The following TGFB2 variants were observed in gnomAD, a reference collection of about 807,000 sequenced individuals.
TGFB2 encodes the protein transforming growth factor beta-2 proprotein.
Under a neutral mutation model 42.7 loss-of-function variants are expected in TGFB2, and 13 were observed. The observed-to-expected ratio is 0.30, with a 90% CI of 0.20 to 0.48. The LOEUF (loss-of-function observed/expected upper bound fraction) is 0.48, where lower values mean the gene tolerates loss of function less well. TGFB2 is among the 20% of genes least tolerant of loss of function. The probability of loss-of-function intolerance (pLI) is 0.99; values close to 1 mark genes in which losing one functional copy is unlikely to be tolerated. For missense variants in TGFB2, 390 were observed against 517.5 expected (o/e 0.75, Z 2.39); for synonymous variants, 193 against 193.6 (o/e 1.00, Z 0.03).
chr1:218,347,933 ATTTT>A (rs11406779), intron 1 of TGFB2, among the ~76,000 whole-genome samples: 1 of 129,898 alleles, frequency 7.7e-6, no homozygotes. Context: ...CGACAGCCGT[ATTTT>A]TTTTTTTTTT....
At chr1:218,395,553 G>A (rs889037180) in intron 1 of TGFB2, among the ~76,000 whole-genome samples, 7 of 151,816 alleles carry the variant, frequency 4.6e-5, no homozygotes, top group East Asian at 1.9e-4. Flanking sequence ...GCCTCACTTC[G>A]ACTTTAGCCC....
At chr1:218,396,125 G>A (rs1287728889) in intron 1 of TGFB2, among the ~76,000 whole-genome samples, 1 of 152,130 alleles carries the variant, frequency 6.6e-6, no homozygotes, top group Non-Finnish European at 1.5e-5. Flanking sequence ...AGGGAAGCCT[G>A]GTCAAGTGCA....
At chr1:218,439,517 A>G (rs912024555) in intron 6 of TGFB2, among the ~76,000 whole-genome samples, 1 of 152,214 alleles carries the variant, frequency 6.6e-6, no homozygotes, top group Admixed American at 6.5e-5. Context: ...CATAAAGTAT[A>G]TTTATTTATA....
intron 1 of TGFB2, among the ~76,000 whole-genome samples, chr1:218,379,427 C>A (rs531567772): frequency 6.6e-6 from 1 of 151,726 alleles, no homozygotes; most frequent in East Asian, 1.9e-4. Context: ...AGCCACCGTG[C>A]CCGGCCAGTA....
At chr1:218,348,374 T>C (rs548120656) in intron 1 of TGFB2, among the ~76,000 whole-genome samples, 53 of 152,366 alleles carry the variant, frequency 3.5e-4, no homozygotes, top group Middle Eastern at 3.4e-3. Flanking sequence ...GTGGTGCTTT[T>C]CTTTTTTAAT....
chr1:218,364,111 C>T (rs1657307732), intron 1 of TGFB2, among the ~76,000 whole-genome samples: 2 of 152,180 alleles, frequency 1.3e-5, no homozygotes, highest in African/African-American at 4.8e-5. Flanking sequence ...TTGGACGCCC[C>T]TGCTCTAGAG....
rs1571907962 is a variant in TGFB2 at position 218,441,498 on chromosome 1, G to A, written c.*136G>A. ...GTGTTAAAAAATTTTTGAAAAGGCG[G>A]TACTAGTTCAGACACTTTGGAAGTT... On this transcript the variant is annotated 3_prime_UTR_variant, in exon 7 of 7. Coordinates refer to ENST00000366930, the MANE Select transcript of TGFB2 (RefSeq NM_003238.6). The A allele has an allele frequency of 4.6e-6, 4 of 868,760 alleles. No homozygotes were observed. The highest frequency in any genetic ancestry group is 6.6e-6 in the Non-Finnish European group (4 of 601,774). The allele number at this position is 868,760 out of a possible 1,614,324, so 53.8% of individuals were successfully genotyped here. A position where few individuals can be genotyped will look rare whatever the true frequency, so the allele number is the denominator to read the frequency against.
At chr1:218,364,630 C>T (rs972773919) in intron 1 of TGFB2, among the ~76,000 whole-genome samples, 4 of 152,142 alleles carry the variant, frequency 2.6e-5, no homozygotes, top group African/African-American at 4.8e-5. Flanking sequence ...TTTTTATTAT[C>T]CTAGGAAAAG....
intron 1 of TGFB2, among the ~76,000 whole-genome samples, chr1:218,368,734 G>C (rs1031485719): frequency 6.6e-6 from 1 of 152,104 alleles, no homozygotes; most frequent in Admixed American, 6.5e-5. Context: ...GAGTAATCTG[G>C]GACTACCTGG....
chr1:218,387,482 G>A (rs548231534), intron 1 of TGFB2, among the ~76,000 whole-genome samples: 2 of 152,248 alleles, frequency 1.3e-5, no homozygotes, highest in East Asian at 1.9e-4. Flanking sequence ...AGAGGGTAGT[G>A]CTTTCTCACC....
chr1:218,349,843 G>T (rs1164203592), intron 1 of TGFB2, among the ~76,000 whole-genome samples: 1 of 152,206 alleles, frequency 6.6e-6, no homozygotes, highest in African/African-American at 2.4e-5. Flanking sequence ...AACTGGCCAG[G>T]TGCCAATCTC....
In TGFB2 at chr1:218,346,019, C is replaced by A. The variant is rs886045962; in HGVS notation, c.-683C>A. ...CGCCCTGCGAAGCGCACCCTCCTCC[C>A]CGCGGTGCGCTGGGCTCGCCCCCAG... On this transcript the variant is annotated 5_prime_UTR_variant, in exon 1 of 7. Coordinates refer to ENST00000366930, the MANE Select transcript of TGFB2 (RefSeq NM_003238.6). The surrounding 1 kb of genome is among the most constrained non-coding windows in gnomAD (Gnocchi z 4.9). Among the ~76,000 whole-genome samples the A allele has an allele frequency of 6.6e-6, 1 of 151,636 alleles. No individual in the cohort carries two copies.
At chr1:218,402,183 G>A (rs986785076) in intron 1 of TGFB2, among the ~76,000 whole-genome samples, 2 of 152,224 alleles carry the variant, frequency 1.3e-5, no homozygotes, top group Admixed American at 1.3e-4. Context: ...CAAAGCAGTG[G>A]CTGATGGGGG....
intron 1 of TGFB2, among the ~76,000 whole-genome samples, chr1:218,372,441 G>A (rs530443175): frequency 2.0e-5 from 3 of 152,300 alleles, no homozygotes; most frequent in South Asian, 4.1e-4. Context: ...GGTCTGTGTT[G>A]TTTGTTTTCC....
intron 1 of TGFB2, among the ~76,000 whole-genome samples, chr1:218,361,864 G>A (rs1414062773): frequency 1.3e-5 from 2 of 152,150 alleles, no homozygotes; most frequent in African/African-American, 4.8e-5. Context: ...TCTTATTGGT[G>A]GGAACATATG....
intron 1 of TGFB2, among the ~76,000 whole-genome samples, chr1:218,382,152 G>A (rs1264250853): frequency 6.6e-6 from 1 of 152,014 alleles, no homozygotes. Flanking sequence ...TTAAGCTATA[G>A]CATTGGAAAC....
At chr1:218,405,922 G>A (rs2102595673) in intron 2 of TGFB2, among the ~76,000 whole-genome samples, 1 of 152,140 alleles carries the variant, frequency 6.6e-6, no homozygotes, top group East Asian at 1.9e-4. Context: ...CTCTTCAGAG[G>A]GTTTGGTTCC....
chr1:218,350,585 T>C (rs1326120593), intron 1 of TGFB2, among the ~76,000 whole-genome samples: 1 of 152,238 alleles, frequency 6.6e-6, no homozygotes, highest in Non-Finnish European at 1.5e-5. Flanking sequence ...AAAATATCTT[T>C]ATGATCAAAG....
intron 1 of TGFB2, among the ~76,000 whole-genome samples, chr1:218,385,781 A>T (rs1316821388): frequency 6.6e-6 from 1 of 152,212 alleles, no homozygotes; most frequent in East Asian, 1.9e-4. Flanking sequence ...TTGGAGGAAA[A>T]CTGAAGAATT....
Sources: gnomAD v4.1 joint callset for allele counts (sites outside exome capture counted in the v4.1 genomes callset) on GRCh38, gnomAD v4.1.1 for gene constraint, Gnocchi (gnomAD v3.1) non-coding constraint, MANE v1.5 for transcripts, NCBI Gene and HGNC (gene_info 2026-07-23, HGNC 2026-07-21) for gene names.